Variants in GRIN2A observed in about 807,000 individuals in gnomAD.
GRIN2A encodes the protein glutamate receptor ionotropic, NMDA 2A.
A neutral mutation model predicts 113.4 loss-of-function variants in GRIN2A; 22 were observed. The ratio of observed to expected loss-of-function variants is 0.19; its 90% CI spans 0.14 to 0.28. GRIN2A has a LOEUF of 0.28. GRIN2A is among the 10% of genes least tolerant of loss of function. GRIN2A has a pLI of 1.00. For synonymous variants in GRIN2A, 827 were observed against 738.4 expected, an observed-to-expected ratio of 1.12 and a Z score of -1.94; for missense variants, 1,502 against 1,887.0, an observed-to-expected ratio of 0.80 and a Z score of 3.78.
chr16:10,116,855 T>G (rs529047125), intron 2 of GRIN2A, among the ~76,000 whole-genome samples: 4 of 152,222 alleles, frequency 2.6e-5, no homozygotes, highest in African/African-American at 9.6e-5. Context: ...CCCCTGCCAC[T>G]TCAGGTCTGC....
At chr16:9,931,911 A>T (rs1216596985) in intron 3 of GRIN2A, among the ~76,000 whole-genome samples, 1 of 152,232 alleles carries the variant, frequency 6.6e-6, no homozygotes, top group Non-Finnish European at 1.5e-5. Context: ...CACAGGCTAA[A>T]ATGTGATATG....
chr16:9,958,470 A>G (rs2045355110), intron 2 of GRIN2A, among the ~76,000 whole-genome samples: 1 of 152,098 alleles, frequency 6.6e-6, no homozygotes, highest in Non-Finnish European at 1.5e-5. Flanking sequence ...CCATATCTTT[A>G]GCAATGGTCT....
chr16:10,009,657 G>T (rs762740938), intron 2 of GRIN2A, among the ~76,000 whole-genome samples: 1 of 152,028 alleles, frequency 6.6e-6, no homozygotes, highest in Non-Finnish European at 1.5e-5. Flanking sequence ...GGTCTTGCTT[G>T]CAGGGAGCTC....
chr16:10,064,216 A>AT lies in GRIN2A; in HGVS notation c.414+115781dup, dbSNP rs1324812675. Reference sequence around the variant, plus strand: ...TTCAGAATCAGGGGCTGACTCTTCTATTTTTCAAACAACCCCCAAAACTAG... The same window carrying AT: ...TTCAGAATCAGGGGCTGACTCTTCTATTTTTTCAAACAACCCCCAAAACTAG... On this transcript the variant is annotated intron_variant, in intron 2 of 12. Coordinates refer to ENST00000330684, the MANE Select transcript of GRIN2A (RefSeq NM_001134407.3). Among the ~76,000 whole-genome samples the AT allele has an allele frequency of 2.6e-5, 4 of 152,130 alleles. No homozygotes were observed. The East Asian group carries it at 7.7e-4, about 29-fold the overall frequency.
intron 5 of GRIN2A, among the ~76,000 whole-genome samples, chr16:9,843,844 C>G (rs897029507): frequency 6.6e-6 from 1 of 152,144 alleles, no homozygotes; most frequent in East Asian, 1.9e-4. Context: ...CACCAATTAC[C>G]CAGAATGGAG....
chr16:9,996,644 T>C (rs2046229116), intron 2 of GRIN2A, among the ~76,000 whole-genome samples: 1 of 152,216 alleles, frequency 6.6e-6, no homozygotes, highest in African/African-American at 2.4e-5. Context: ...TATAATCATA[T>C]ACACATAGCT....
chr16:9,843,809 A>G (rs941168674), intron 5 of GRIN2A, among the ~76,000 whole-genome samples: 2 of 152,198 alleles, frequency 1.3e-5, no homozygotes, highest in African/African-American at 4.8e-5. Context: ...CTGTACAGTC[A>G]TGGGATATGT....
At chr16:9,795,056 T>C (rs1457877656) in intron 11 of GRIN2A, among the ~76,000 whole-genome samples, 1 of 152,000 alleles carries the variant, frequency 6.6e-6, no homozygotes, top group Non-Finnish European at 1.5e-5. Context: ...GTGATGATAA[T>C]GATAATAATG....
chr16:9,916,962 G>T (rs78929179), intron 3 of GRIN2A, among the ~76,000 whole-genome samples: 1 of 152,106 alleles, frequency 6.6e-6, no homozygotes, highest in African/African-American at 2.4e-5. Context: ...GTTGCCTAGT[G>T]GTTCATAGCA....
chr16:9,854,743 A>G (rs1044059645), intron 4 of GRIN2A, among the ~76,000 whole-genome samples: 1 of 152,166 alleles, frequency 6.6e-6, no homozygotes, highest in Non-Finnish European at 1.5e-5. Flanking sequence ...CATAAAAGCT[A>G]TTCTGAAGTG....
chr16:9,982,396 G>T (rs542214165), intron 2 of GRIN2A, among the ~76,000 whole-genome samples: 1 of 152,146 alleles, frequency 6.6e-6, no homozygotes. Context: ...GTTCATTAAC[G>T]TTTGCAATGT....
In GRIN2A at chr16:9,758,907, C is replaced by T. The variant is rs890536356; in HGVS notation, c.*4242G>A. ...ACAGTACTTTTGGAAGGAAAATTGC[C>T]TTTACATAGAACCCTTCACTCATTA... On this transcript the variant is annotated 3_prime_UTR_variant, in exon 13 of 13. Transcript: ENST00000330684. The T allele has an allele frequency of 9.1e-6, 2 of 220,350 alleles. No homozygotes were observed. The highest frequency in any genetic ancestry group is 1.8e-5 in the Non-Finnish European group (2 of 109,936). 13.6% of individuals were successfully genotyped at this position (220,350 alleles called of 1,614,324 possible).
At position 9,759,349 on chromosome 16, in the gene GRIN2A, G is replaced by T. The variant is rs1900483856; in HGVS notation, c.*3800C>A. The T allele has an allele frequency of 1.3e-5, 3 of 223,420 alleles. No individual in the cohort carries two copies. The highest frequency in any genetic ancestry group is 2.7e-5 in the Non-Finnish European group (3 of 112,102). The allele number at this position is 223,420 out of a possible 1,614,324, so 13.8% of individuals were successfully genotyped here. On this transcript the variant is annotated 3_prime_UTR_variant, in exon 13 of 13. Transcript: ENST00000330684. ...TATTTGCAAATAATTCAGGGCATTTGTCATTTCCTGTGAAGGATGCAGAAT... is the reference window on the plus strand; with the variant it reads ...TATTTGCAAATAATTCAGGGCATTTTTCATTTCCTGTGAAGGATGCAGAAT...
At chr16:10,104,249 A>G (rs1179912363) in intron 2 of GRIN2A, among the ~76,000 whole-genome samples, 1 of 152,208 alleles carries the variant, frequency 6.6e-6, no homozygotes, top group Non-Finnish European at 1.5e-5. Context: ...TTTCAAGGTA[A>G]AAGATTAGAG....
chr16:10,030,001 A>AAAAT (rs1022612689), intron 2 of GRIN2A, among the ~76,000 whole-genome samples: 13 of 152,156 alleles, frequency 8.5e-5, no homozygotes, highest in Admixed American at 5.9e-4. Context: ...TGTCTCCAAA[A>AAAAT]AAATAAATAA....
chr16:10,094,058 C>T (rs1435711117), intron 2 of GRIN2A, among the ~76,000 whole-genome samples: 1 of 152,212 alleles, frequency 6.6e-6, no homozygotes, highest in African/African-American at 2.4e-5. Flanking sequence ...GCATCAGAAC[C>T]TGGCTGTCAG....
At chr16:9,867,510 T>C (rs943753711) in intron 4 of GRIN2A, among the ~76,000 whole-genome samples, 6 of 152,186 alleles carry the variant, frequency 3.9e-5, no homozygotes, top group Non-Finnish European at 8.8e-5. Flanking sequence ...TCCTCTAGCC[T>C]AACACGCATC....
chr16:9,830,362 T>A (rs2042468947), intron 8 of GRIN2A, among the ~76,000 whole-genome samples: 1 of 152,094 alleles, frequency 6.6e-6, no homozygotes, highest in Non-Finnish European at 1.5e-5. Context: ...TTCTTAAATG[T>A]TCCTTGCAAC....
intron 11 of GRIN2A, among the ~76,000 whole-genome samples, chr16:9,781,809 C>T (rs769385488): frequency 6.6e-6 from 1 of 152,092 alleles, no homozygotes; most frequent in Admixed American, 6.6e-5. Context: ...TTTCTTCCAT[C>T]GTTATCTATA....
Sources: allele counts gnomAD v4.1 joint callset (sites outside exome capture counted in the v4.1 genomes callset), GRCh38; gene constraint gnomAD v4.1.1; transcripts MANE v1.5; gene names NCBI Gene and HGNC (gene_info 2026-07-23, HGNC 2026-07-21).